The following PCDH15 variants were observed in gnomAD, a reference collection of about 807,000 sequenced individuals.
The protein encoded by PCDH15 is protocadherin-15.
A neutral mutation model predicts 178.5 loss-of-function variants in PCDH15; 129 were observed. The ratio of observed to expected loss-of-function variants is 0.72; its 90% CI spans 0.63 to 0.84. The LOEUF (loss-of-function observed/expected upper bound fraction) is 0.84, where lower values mean the gene tolerates loss of function less well. PCDH15 is among the 40% of genes least tolerant of loss of function. PCDH15 has a pLI of 0.00. For missense variants in PCDH15, 2,230 were observed against 2,099.9 expected (o/e 1.06, Z -1.21); for synonymous variants, 800 against 732.0 (o/e 1.09, Z -1.50).
At chr10:55,013,677 ATTG>A (rs1241401343) in intron 2 of PCDH15, among the ~76,000 whole-genome samples, 3 of 152,130 alleles carry the variant, frequency 2.0e-5, no homozygotes, top group Non-Finnish European at 4.4e-5. Context: ...GTATAATTAA[ATTG>A]TTGTGTGATT....
chr10:54,782,721 A>G (rs546661184), intron 1 of PCDH15, among the ~76,000 whole-genome samples: 2 of 152,144 alleles, frequency 1.3e-5, no homozygotes, highest in East Asian at 3.9e-4. Flanking sequence ...CAAGCTTGCT[A>G]CCACTGGAGT....
At chr10:55,426,787 T>C (rs1325557490) in intron 2 of PCDH15, among the ~76,000 whole-genome samples, 1 of 152,096 alleles carries the variant, frequency 6.6e-6, no homozygotes, top group African/African-American at 2.4e-5. Context: ...GAAAAGGAGA[T>C]AGTGTGGGAA....
intron 2 of PCDH15, among the ~76,000 whole-genome samples, chr10:55,017,197 G>A (rs1007453083): frequency 6.6e-6 from 1 of 152,110 alleles, no homozygotes; most frequent in Admixed American, 6.6e-5. Context: ...CTACAAGTCA[G>A]CCACAGAAGA....
chr10:54,206,914 T>C (rs949047708), intron 10 of PCDH15, among the ~76,000 whole-genome samples: 2 of 152,100 alleles, frequency 1.3e-5, no homozygotes, highest in South Asian at 2.1e-4. Context: ...TGACAAGGGT[T>C]CAGAAAGTGC....
intron 2 of PCDH15, among the ~76,000 whole-genome samples, chr10:54,659,211 T>C (rs1006636136): frequency 3.3e-5 from 5 of 152,074 alleles, no homozygotes; most frequent in Non-Finnish European, 7.4e-5. Context: ...CAGCACCAGA[T>C]AGATTATCAA....
chr10:54,856,024 C>T (rs534937289), intron 3 of PCDH15, among the ~76,000 whole-genome samples: 2 of 152,310 alleles, frequency 1.3e-5, no homozygotes, highest in Admixed American at 6.5e-5. Flanking sequence ...ATCAATTGCA[C>T]ATCTTTCTTC....
At chr10:55,603,033 A>G (rs1301691207) in intron 2 of PCDH15, among the ~76,000 whole-genome samples, 1 of 152,086 alleles carries the variant, frequency 6.6e-6, no homozygotes, top group African/African-American at 2.4e-5. Flanking sequence ...CAATACAGAG[A>G]AGTGCTTAAA....
rs779908077 is a variant in PCDH15 at position 54,309,611 on chromosome 10, T to C, written c.876+7660A>G. Among the ~76,000 whole-genome samples the C allele has an allele frequency of 7.9e-5, 12 of 151,914 alleles. No homozygotes were observed. In the Middle Eastern group the frequency reaches 0.01, roughly 129 times the overall value. ...GAGTTCGAGATCAGCCTGACCAACA[T>C]GGTGAAACCCTGTCTCAACTGAAAA... On this transcript the variant is annotated intron_variant, in intron 8 of 37. Transcript: ENST00000644397.
chr10:55,242,937 A>T (rs1021360843), intron 1 of PCDH15, among the ~76,000 whole-genome samples: 1 of 152,212 alleles, frequency 6.6e-6, no homozygotes, highest in African/African-American at 2.4e-5. Context: ...GTTAAAAATT[A>T]ATAATGAAGA....
chr10:54,527,979 T>C (rs2083522395), intron 2 of PCDH15, 102 bp from the exon 3 acceptor site: 2 of 917,444 alleles, frequency 2.2e-6, no homozygotes, highest in East Asian at 2.6e-5. Flanking sequence ...AAGGAAAATC[T>C]TGCAATCTAA....
intron 2 of PCDH15, among the ~76,000 whole-genome samples, chr10:55,618,190 T>C (rs1843516497): frequency 6.6e-6 from 1 of 152,038 alleles, no homozygotes; most frequent in South Asian, 2.1e-4. Context: ...TGAACACCAG[T>C]AAAACTGTCC....
At chr10:55,189,085 T>C (rs1447692157) in intron 1 of PCDH15, among the ~76,000 whole-genome samples, 1 of 151,956 alleles carries the variant, frequency 6.6e-6, no homozygotes, top group East Asian at 1.9e-4. Context: ...GATTTTACTG[T>C]TCTGATACTC....
At chr10:55,078,371 C>T (rs891862330) in intron 2 of PCDH15, among the ~76,000 whole-genome samples, 1 of 152,106 alleles carries the variant, frequency 6.6e-6, no homozygotes, top group Non-Finnish European at 1.5e-5. Context: ...TATTGCTAGA[C>T]TTGGGAAGTT....
At chr10:55,154,003 T>C (rs1838810060) in intron 2 of PCDH15, among the ~76,000 whole-genome samples, 2 of 152,168 alleles carry the variant, frequency 1.3e-5, no homozygotes, top group Admixed American at 1.3e-4. Context: ...AATCTATATC[T>C]AAATTTGCAT....
chr10:55,084,719 A>G (rs937571295), intron 2 of PCDH15, among the ~76,000 whole-genome samples: 1 of 151,986 alleles, frequency 6.6e-6, no homozygotes, highest in Non-Finnish European at 1.5e-5. Flanking sequence ...AGCTCAAACA[A>G]TTATATAGGA....
At chr10:54,128,142 A>T (rs975012054) in intron 15 of PCDH15, among the ~76,000 whole-genome samples, 1 of 152,128 alleles carries the variant, frequency 6.6e-6, no homozygotes, top group African/African-American at 2.4e-5. Context: ...AGGACCCCCA[A>T]TAAATTCCAC....
At chr10:55,282,513 A>G (rs1318783808) in intron 1 of PCDH15, among the ~76,000 whole-genome samples, 1 of 152,216 alleles carries the variant, frequency 6.6e-6, no homozygotes, top group African/African-American at 2.4e-5. Flanking sequence ...ACACATATAT[A>G]AATTATCTTT....
intron 2 of PCDH15, among the ~76,000 whole-genome samples, chr10:55,052,845 G>A (rs141483881): frequency 7.6e-4 from 115 of 152,148 alleles, no homozygotes; most frequent in African/African-American, 2.4e-3. Flanking sequence ...TAAATCTGTC[G>A]TCAAAATCAA....
chr10:54,764,680 T>C (rs1948296052), intron 1 of PCDH15, among the ~76,000 whole-genome samples: 1 of 152,062 alleles, frequency 6.6e-6, no homozygotes, highest in Non-Finnish European at 1.5e-5. Flanking sequence ...GGAAAAAATA[T>C]GCTCTGAGTA....
Sources: gnomAD v4.1 joint callset for allele counts (sites outside exome capture counted in the v4.1 genomes callset) on GRCh38, gnomAD v4.1.1 for gene constraint, MANE v1.5 for transcripts, NCBI Gene and HGNC (gene_info 2026-07-23, HGNC 2026-07-21) for gene names.